UBA6: variants seen among roughly 807,000 people sequenced by gnomAD.
UBA6 encodes ubiquitin-like modifier-activating enzyme 6.
In UBA6, 87 loss-of-function variants were observed where a neutral mutation model predicts 148.3. The ratio of observed to expected loss-of-function variants is 0.59; its 90% CI spans 0.49 to 0.70. The LOEUF (loss-of-function observed/expected upper bound fraction) is 0.70. UBA6 is among the 30% of genes least tolerant of loss of function. The pLI is 0.00. For synonymous variants in UBA6, 376 were observed against 401.0 expected, an observed-to-expected ratio of 0.94 and a Z score of 0.75; for missense variants, 1,186 against 1,241.2, an observed-to-expected ratio of 0.96 and a Z score of 0.67.
At chr4:67,657,119 T>C (rs1455505503) in intron 13 of UBA6, among the ~76,000 whole-genome samples, 3 of 152,166 alleles carry the variant, frequency 2.0e-5, no homozygotes, top group African/African-American at 4.8e-5. Context: ...AGGTAATTTA[T>C]AGACTCAATG....
At chr4:67,662,472 T>G (rs1729885351) in intron 12 of UBA6, 2 of 434,936 alleles carry the variant, frequency 4.6e-6, no homozygotes, top group Non-Finnish European at 4.0e-6. Flanking sequence ...TAGTTTTTTT[T>G]GTTTTTTTTT....
At chr4:67,634,925 A>G (rs1017499550) in intron 20 of UBA6, among the ~76,000 whole-genome samples, 4 of 152,110 alleles carry the variant, frequency 2.6e-5, no homozygotes, top group Non-Finnish European at 5.9e-5. Context: ...ATGGAGAAAA[A>G]CATCTGGGAG....
intron 26 of UBA6, 125 bp from the exon 27 acceptor site, chr4:67,629,267 C>A: frequency 1.6e-6 from 1 of 643,724 alleles, no homozygotes; most frequent in Non-Finnish European, 2.7e-6. Context: ...AATATGTAGA[C>A]ATCCATTTGA....
Position 67,678,445 on chromosome 4 carries a change from C to T in UBA6, c.347G>A (p.Arg116Lys). The T allele has an allele frequency of 6.3e-7, 1 of 1,577,316 alleles. No individual in the cohort carries two copies. Among genetic ancestry groups the T allele is most frequent in the Non-Finnish European group, 8.6e-7 (1 of 1,159,554 alleles). ...TACATCAAAATATCTTTACCTGTTT[C>T]TCTTATTAACAACATCATCTTCACT... is the stretch of plus-strand genomic sequence containing the variant. Reference protein sequence around the residue: ...FLSEDDVVNKRNRAEAVLKHI... With the variant: ...FLSEDDVVNKKNRAEAVLKHI... The change falls in exon 5 of 33, where the codon AGA becomes AAA. Residue 116 changes from arginine (R) to lysine (K), a missense_variant. Arg to Lys is a conservative substitution (Grantham distance 26). Coordinates refer to ENST00000322244, the MANE Select transcript of UBA6 (RefSeq NM_018227.6).
At position 67,615,745 on chromosome 4, in the gene UBA6, C is replaced by A. The variant is rs1329681438; in HGVS notation, c.*3252G>T. 5.9e-6 allele frequency: 1 copy of A among 169,598 alleles called. No homozygotes were observed. Among genetic ancestry groups the A allele is most frequent in the Non-Finnish European group, 1.3e-5 (1 of 79,864 alleles). The allele number at this position is 169,598 out of a possible 1,614,324, so 10.5% of individuals were successfully genotyped here. A position where few individuals can be genotyped will look rare whatever the true frequency, so the allele number is the denominator to read the frequency against. On this transcript the variant is annotated 3_prime_UTR_variant, in exon 33 of 33. Transcript: ENST00000322244. ...GAATCAATCCCATCTTGAACAAATG[C>A]AGCTACAAAAGAATGTATGATTTTA...
chr4:67,649,214 A>T lies in UBA6; in HGVS notation c.1105-3T>A, dbSNP rs1426528814. The T allele has an allele frequency of 6.2e-7, 1 of 1,603,004 alleles. No homozygotes were observed. The highest frequency in any genetic ancestry group is 1.7e-5 in the Admixed American group (1 of 58,086). ...ACAATGTCAGCATTTACATCAGGCTAAAACAAAAGCCATAAAAGACAATAA... is the reference window on the plus strand; with the variant it reads ...ACAATGTCAGCATTTACATCAGGCTTAAACAAAAGCCATAAAAGACAATAA... On this transcript the variant is annotated splice_region_variant and splice_polypyrimidine_tract_variant and intron_variant, in intron 13 of 32. Coordinates refer to ENST00000322244, the MANE Select transcript of UBA6 (RefSeq NM_018227.6).
chr4:67,647,397 C>T (rs1202137808), intron 14 of UBA6, among the ~76,000 whole-genome samples: 4 of 152,028 alleles, frequency 2.6e-5, no homozygotes, highest in African/African-American at 7.2e-5. Context: ...CTGCCCACCT[C>T]GGCCTCCCAA....
chr4:67,652,854 C>T (rs1024199168), intron 13 of UBA6, among the ~76,000 whole-genome samples: 4 of 152,230 alleles, frequency 2.6e-5, no homozygotes, highest in African/African-American at 9.6e-5. Flanking sequence ...TCTTAGCAAC[C>T]GGCAGACCAG....
intron 27 of UBA6, 99 bp downstream of exon 27, chr4:67,628,971 CA>C (rs1728935678): frequency 3.6e-6 from 3 of 834,418 alleles, no homozygotes; most frequent in Non-Finnish European, 6.2e-6. Context: ...AGAGCAAGAG[CA>C]AGAACCATTC....
intron 15 of UBA6, among the ~76,000 whole-genome samples, chr4:67,646,466 T>G (rs1560485517): frequency 6.6e-6 from 1 of 152,184 alleles, no homozygotes; most frequent in South Asian, 2.1e-4. Context: ...AGATAGCAGT[T>G]TTTTTCCATC....
At chr4:67,638,861 C>T (rs1729233690) in intron 19 of UBA6, 82 bp downstream of exon 19, 21 of 1,034,236 alleles carry the variant, frequency 2.0e-5, no homozygotes, top group East Asian at 4.8e-5. Context: ...CAGATAATTC[C>T]GTAACTTTTC....
chr4:67,631,662 A>C (rs778710336), intron 25 of UBA6, 46 bp downstream of exon 25: 7 of 1,405,668 alleles, frequency 5.0e-6, no homozygotes, highest in Admixed American at 1.9e-5. Context: ...TTTACAGTAA[A>C]GAAATATATA....
chr4:67,693,332 G>GTATATA (rs142145206), intron 2 of UBA6, among the ~76,000 whole-genome samples: 7 of 150,150 alleles, frequency 4.7e-5, no homozygotes, highest in East Asian at 1.9e-4. Flanking sequence ...AGAATACTGT[G>GTATATA]TATATATATA....
intron 22 of UBA6, among the ~76,000 whole-genome samples, chr4:67,633,678 C>T (rs543293763): frequency 6.6e-6 from 1 of 152,114 alleles, no homozygotes; most frequent in Admixed American, 6.5e-5. Flanking sequence ...AGATAGCATA[C>T]AAAATTTTAA....
intron 18 of UBA6, among the ~76,000 whole-genome samples, chr4:67,640,203 T>G (rs1729269764): frequency 6.6e-6 from 1 of 152,230 alleles, no homozygotes; most frequent in African/African-American, 2.4e-5. Flanking sequence ...AAATCAAAAC[T>G]TTGTTAGAAC....
intron 28 of UBA6, among the ~76,000 whole-genome samples, chr4:67,625,645 T>C (rs1338502918): frequency 6.6e-6 from 1 of 151,964 alleles, no homozygotes; most frequent in Admixed American, 6.6e-5. Flanking sequence ...ATTTCTGAAA[T>C]CTTTGTAGAT....
rs149290983 is a variant in UBA6 at position 67,666,118 on chromosome 4, G to C, written c.794-826C>G. The stretch of plus-strand genomic sequence containing the variant: ...CAGCAGGATCACTTGAACCCAGGAG[G>C]CTATAGTGTGCTAAACTGCACCTGT... On this transcript the variant is annotated intron_variant, in intron 9 of 32. Transcript: ENST00000322244. Among the ~76,000 whole-genome samples, 3 of 152,162 alleles carry C rather than the reference G, an allele frequency of 2.0e-5. No homozygotes were observed. The East Asian group carries it at 5.8e-4, about 29-fold the overall frequency.
At chr4:67,631,803 G>A in intron 24 of UBA6, 32 bp from the exon 25 acceptor site, 1 of 1,610,060 alleles carries the variant, frequency 6.2e-7, no homozygotes. Context: ...CATTTTCAAT[G>A]TATGTAGCCA....
intron 16 of UBA6, 24 bp from the exon 17 acceptor site, chr4:67,644,802 T>C (rs766313022): frequency 7.8e-7 from 1 of 1,289,894 alleles, no homozygotes; most frequent in South Asian, 1.2e-5. Flanking sequence ...AAATGGTATA[T>C]ATCAGATTAA....
Sources: gnomAD v4.1 joint callset for allele counts (sites outside exome capture counted in the v4.1 genomes callset) on GRCh38, gnomAD v4.1.1 for gene constraint, MANE v1.5 for transcripts, NCBI Gene and HGNC (gene_info 2026-07-23, HGNC 2026-07-21) for gene names.